DCP2: variants seen among roughly 807,000 people sequenced by gnomAD.
The protein encoded by DCP2 is decapping mRNA 2.
Under a neutral mutation model 56.1 loss-of-function variants are expected in DCP2, and 30 were observed. That is an observed-to-expected ratio of 0.53 (90% CI 0.40 to 0.73). DCP2 has a LOEUF of 0.73. Ranked by LOEUF, DCP2 falls within the 30% of genes least tolerant of loss-of-function variation. DCP2 has a pLI of 0.00. For synonymous variants in DCP2, 197 were observed against 163.3 expected (o/e 1.21, Z -1.57); for missense variants, 533 against 502.7 (o/e 1.06, Z -0.58).
rs527692642 is a variant in DCP2 at position 113,021,555 on chromosome 5, G to C, written c.*8071G>C. Among the ~76,000 whole-genome samples, 14 of 152,312 alleles carry C rather than the reference G, an allele frequency of 9.2e-5. No individual in the cohort carries two copies. In the East Asian group the frequency reaches 2.7e-3, roughly 29 times the overall value. Reference sequence around the variant, plus strand: ...TCCAGCAATTCTTAAGTTTGTGCTAGAATCAGGTTTTGCAATAGGAATACT... The same window carrying C: ...TCCAGCAATTCTTAAGTTTGTGCTACAATCAGGTTTTGCAATAGGAATACT... On this transcript the variant is annotated 3_prime_UTR_variant, in exon 11 of 11. Transcript: ENST00000389063.
rs1749787409 is a variant in DCP2, at chr5:113,014,071, A to T, written c.*587A>T. Reference sequence around the variant, plus strand: ...TTCTGGAATATAATGTGCATGTCCAAAATGAACTCAGCGCTTCAAAAGGAC... The same window carrying T: ...TTCTGGAATATAATGTGCATGTCCATAATGAACTCAGCGCTTCAAAAGGAC... On this transcript the variant is annotated 3_prime_UTR_variant, in exon 11 of 11. Coordinates refer to ENST00000389063, the MANE Select transcript of DCP2 (RefSeq NM_152624.6). 1 of 152,280 alleles carries T rather than the reference A, an allele frequency of 6.6e-6. No individual in the cohort carries two copies. Among genetic ancestry groups the T allele is most frequent in the Non-Finnish European group, 1.5e-5 (1 of 68,108 alleles). The allele number at this position is 152,280 out of a possible 1,614,324, so 9.4% of individuals were successfully genotyped here.
At position 112,985,811 on chromosome 5, in the gene DCP2, TTGTA is replaced by T. The variant is rs1748255840; in HGVS notation, c.54-20_54-17del. ...TCGTTATAGTTTGTAAATGTAATTT[TTGTA>T]TGTGTTTTGTTTTTGACAGCCGATT... On this transcript the variant is annotated intron_variant, in intron 1 of 10. Coordinates refer to ENST00000389063, the MANE Select transcript of DCP2 (RefSeq NM_152624.6). The T allele has an allele frequency of 6.3e-7, 1 of 1,590,578 alleles. No individual in the cohort carries two copies. Among genetic ancestry groups the T allele is most frequent in the Non-Finnish European group, 8.6e-7 (1 of 1,160,436 alleles).
At chr5:113,013,081 A>C (rs1266659784) in intron 10 of DCP2, among the ~76,000 whole-genome samples, 1 of 152,220 alleles carries the variant, frequency 6.6e-6, no homozygotes, top group East Asian at 1.9e-4. Context: ...AGGAATGTCA[A>C]GGGTCTTAAT....
chr5:112,990,846 C>T (rs1748554723), intron 2 of DCP2, among the ~76,000 whole-genome samples: 1 of 151,718 alleles, frequency 6.6e-6, no homozygotes, highest in African/African-American at 2.4e-5. Context: ...AATTGTAGAA[C>T]ATGTAAAATT....
chr5:112,979,710 A>G (rs1366298640), intron 1 of DCP2, among the ~76,000 whole-genome samples: 1 of 152,196 alleles, frequency 6.6e-6, no homozygotes, highest in East Asian at 1.9e-4. Context: ...TCATAACCTA[A>G]GGCTGATGCT....
chr5:112,983,886 A>G (rs1178476318), intron 1 of DCP2: 1 of 152,226 alleles, frequency 6.6e-6, no homozygotes, highest in East Asian at 1.9e-4. Flanking sequence ...TCTTTACCCA[A>G]ATTATCAAGT....
In DCP2 at chr5:113,016,530, TG is replaced by T. The variant is rs1328000048; in HGVS notation, c.*3048del. ...GTAATTTTATGCTGTAAGATTGAAT[TG>T]GTACTTTTCCTTATTAAGGCTTTAG... On this transcript the variant is annotated 3_prime_UTR_variant, in exon 11 of 11. Transcript: ENST00000389063. The T allele has an allele frequency of 7.9e-5, 12 of 152,326 alleles. No homozygotes were observed. The highest frequency in any genetic ancestry group is 1.5e-5 in the Non-Finnish European group (1 of 68,020). 9.4% of individuals were successfully genotyped at this position (152,326 alleles called of 1,614,324 possible). A position where few individuals can be genotyped will look rare whatever the true frequency, so the allele number is the denominator to read the frequency against.
intron 9 of DCP2, among the ~76,000 whole-genome samples, chr5:113,009,604 A>G (rs780374646): frequency 3.3e-5 from 5 of 152,222 alleles, no homozygotes; most frequent in African/African-American, 7.2e-5. Context: ...AGGAATCTAA[A>G]GAATGTTCAC....
chr5:112,982,661 C>A (rs553840399), intron 1 of DCP2, among the ~76,000 whole-genome samples: 1 of 151,596 alleles, frequency 6.6e-6, no homozygotes, highest in Admixed American at 6.6e-5. Flanking sequence ...GTTTTTTTTC[C>A]CCCCGAGGGC....
At chr5:112,984,703 A>AATATATATATAT (rs57159758) in intron 1 of DCP2, 15 of 64,852 alleles carry the variant, frequency 2.3e-4, no homozygotes, top group African/African-American at 1.1e-3. Context: ...AAAAAAAAAA[A>AATATATATATAT]ATATATATAT....
At chr5:112,993,866 G>A (rs901756962) in intron 4 of DCP2, among the ~76,000 whole-genome samples, 4 of 152,006 alleles carry the variant, frequency 2.6e-5, no homozygotes, top group African/African-American at 7.3e-5. Context: ...CTATGTGTGT[G>A]TGTTTATAAA....
chr5:113,017,770 G>C lies in DCP2; in HGVS notation c.*4286G>C, dbSNP rs1162193400. ...TACTTGAGTGCTTTATTATGTTCCA[G>C]GCTAGAAATGTGATCATTGCATGGC... is the stretch of plus-strand genomic sequence containing the variant. On this transcript the variant is annotated 3_prime_UTR_variant, in exon 11 of 11. Coordinates refer to ENST00000389063, the MANE Select transcript of DCP2 (RefSeq NM_152624.6). 2.6e-5 allele frequency: 4 copies of C among 152,090 alleles called. No homozygotes were observed. Among genetic ancestry groups the C allele is most frequent in the Non-Finnish European group, 2.9e-5 (2 of 68,024 alleles). 9.4% of individuals were successfully genotyped at this position (152,090 alleles called of 1,614,324 possible).
intron 4 of DCP2, 23 bp downstream of exon 4, chr5:112,992,793 A>G (rs771642638): frequency 9.1e-6 from 14 of 1,543,364 alleles, no homozygotes; most frequent in South Asian, 7.5e-5. Context: ...ATTTTGATAC[A>G]CAGTAAATTT....
At chr5:113,007,023 A>G (rs2150188733) in intron 8 of DCP2, among the ~76,000 whole-genome samples, 1 of 152,132 alleles carries the variant, frequency 6.6e-6, no homozygotes, top group East Asian at 1.9e-4. Context: ...TTGTAATCCT[A>G]GCTGCTTGGG....
intron 1 of DCP2, chr5:112,984,703 A>AAAAAAAATATATATAT: frequency 1.5e-5 from 1 of 64,858 alleles, no homozygotes; most frequent in African/African-American, 7.9e-5. Context: ...AAAAAAAAAA[A>AAAAAAAATATATATAT]ATATATATAT....
In DCP2 at chr5:113,020,553, T is replaced by C. The variant is rs1750068509; in HGVS notation, c.*7069T>C. 1 of 152,244 alleles carries C rather than the reference T, an allele frequency of 6.6e-6. No individual in the cohort carries two copies. The highest frequency in any genetic ancestry group is 2.4e-5 in the African/African-American group (1 of 41,470). 9.4% of individuals were successfully genotyped at this position (152,244 alleles called of 1,614,324 possible). A position where few individuals can be genotyped will look rare whatever the true frequency, so the allele number is the denominator to read the frequency against. On this transcript the variant is annotated 3_prime_UTR_variant, in exon 11 of 11. Coordinates refer to ENST00000389063, the MANE Select transcript of DCP2 (RefSeq NM_152624.6). The stretch of plus-strand genomic sequence containing the variant: ...CATTCTGTTTCTAGATTTATGTTGT[T>C]GTAGTTGAACAGCAACTGTTTTTTT...
rs375951434 is a variant in DCP2 at position 113,008,258 on chromosome 5, T to C, written c.1047+216T>C. 65 of 409,358 alleles carry C rather than the reference T, an allele frequency of 1.6e-4. 1 individual carries two copies. Among genetic ancestry groups the C allele is most frequent in the African/African-American group, 1.1e-3 (53 of 50,106 alleles). The allele number at this position is 409,358 out of a possible 1,614,324, so 25.4% of individuals were successfully genotyped here. ...AATGTTGATGCAATTGTACATCTAA[T>C]TTTTTATGTGGCTGTTTATTTTAAT... On this transcript the variant is annotated intron_variant, in intron 9 of 10. Coordinates refer to ENST00000389063, the MANE Select transcript of DCP2 (RefSeq NM_152624.6).
At position 113,020,675 on chromosome 5, in the gene DCP2, T is replaced by G. The variant is rs1750076875; in HGVS notation, c.*7191T>G. The G allele has an allele frequency of 6.6e-6, 1 of 152,226 alleles. No individual in the cohort carries two copies. Among genetic ancestry groups the G allele is most frequent in the Non-Finnish European group, 1.5e-5 (1 of 68,042 alleles). 9.4% of individuals were successfully genotyped at this position (152,226 alleles called of 1,614,324 possible). ...TCATGTTTGTGAATTGGAGTTTAAA[T>G]GTTTGCAGGATTACTGTACTTCCAA... On this transcript the variant is annotated 3_prime_UTR_variant, in exon 11 of 11. Coordinates refer to ENST00000389063, the MANE Select transcript of DCP2 (RefSeq NM_152624.6).
chr5:113,011,672 T>G (rs897254227), intron 10 of DCP2, among the ~76,000 whole-genome samples: 32 of 152,240 alleles, frequency 2.1e-4, no homozygotes, highest in African/African-American at 7.0e-4. Flanking sequence ...AAGTTACTGT[T>G]AACTGTGAAG....
Sources: allele counts gnomAD v4.1 joint callset (sites outside exome capture counted in the v4.1 genomes callset), GRCh38; gene constraint gnomAD v4.1.1; transcripts MANE v1.5; gene names NCBI Gene and HGNC (gene_info 2026-07-23, HGNC 2026-07-21).